The following PGLYRP4 variants were observed in gnomAD, a reference collection of about 807,000 sequenced individuals.
PGLYRP4 encodes PGRP-I-beta.
PGLYRP4 carries 39 observed loss-of-function variants against 41.2 expected under a neutral mutation model. The observed-to-expected ratio is 0.95, with a 90% CI of 0.73 to 1.24. PGLYRP4 has a LOEUF of 1.24. Among genes scored for constraint, PGLYRP4 ranks in the 50% most tolerant of loss-of-function variants. The pLI is 0.00. For synonymous variants in PGLYRP4, 202 were observed against 186.8 expected (o/e 1.08, Z -0.66); for missense variants, 467 against 460.7 (o/e 1.01, Z -0.13).
chr1:153,345,980 C>T, intron 3 of PGLYRP4, 122 bp downstream of exon 3: 1 of 760,452 alleles, frequency 1.3e-6, no homozygotes. Context: ...CTGCTCTCTG[C>T]ACTTCAACCC....
At chr1:153,347,381 G>GT (rs1185783944) in intron 2 of PGLYRP4, among the ~76,000 whole-genome samples, 1 of 151,854 alleles carries the variant, frequency 6.6e-6, no homozygotes, top group Non-Finnish European at 1.5e-5. Context: ...TGGTTTGTTT[G>GT]TTTTTTGAGA....
In PGLYRP4 at chr1:153,330,506, T is replaced by C. The variant is rs376771214; in HGVS notation, c.*261A>G. 2 of 248,732 alleles carry C rather than the reference T, an allele frequency of 8.0e-6. No individual in the cohort carries two copies. The highest frequency in any genetic ancestry group is 1.6e-5 in the Non-Finnish European group (2 of 128,296). The allele number at this position is 248,732 out of a possible 1,614,324, so 15.4% of individuals were successfully genotyped here. ...CCCATTGTCTCACCTGGCTGAGGAG[T>C]TGGGTTTCCAAGGGAGAGGAAGGTA... On this transcript the variant is annotated 3_prime_UTR_variant, in exon 9 of 9. Transcript: ENST00000359650.
At chr1:153,344,444 GA>G (rs1030508778) in intron 4 of PGLYRP4, among the ~76,000 whole-genome samples, 5 of 152,164 alleles carry the variant, frequency 3.3e-5, no homozygotes, top group African/African-American at 1.2e-4. Context: ...TGGGGTTGAG[GA>G]GGCTACACAC....
At chr1:153,334,468 T>TATATATATATGTTTATATATA in intron 8 of PGLYRP4, among the ~76,000 whole-genome samples, 1 of 142,524 alleles carries the variant, frequency 7.0e-6, no homozygotes, top group East Asian at 2.0e-4. Flanking sequence ...ATATATTTAT[T>TATATATATATGTTTATATATA]TATATATATT....
At chr1:153,332,998 C>T (rs1157048562) in intron 8 of PGLYRP4, among the ~76,000 whole-genome samples, 1 of 151,412 alleles carries the variant, frequency 6.6e-6, no homozygotes, top group Non-Finnish European at 1.5e-5. Flanking sequence ...AAAAAAAACC[C>T]AAAACTAGCA....
In PGLYRP4 at chr1:153,347,980, TGAGA is replaced by T; in HGVS notation, c.-46-6_-46-3del. 6.8e-7 allele frequency: 1 copy of T among 1,465,678 alleles called. No homozygotes were observed. Among genetic ancestry groups the T allele is most frequent in the Non-Finnish European group, 9.5e-7 (1 of 1,049,622 alleles). The allele number at this position is 1,465,678 out of a possible 1,614,324, so 90.8% of individuals were successfully genotyped here. A position where few individuals can be genotyped will look rare whatever the true frequency, so the allele number is the denominator to read the frequency against. On this transcript the variant is annotated splice_polypyrimidine_tract_variant and splice_region_variant and intron_variant, in intron 1 of 8. Transcript: ENST00000359650. ...AATCTGGAGAGTGTGGATGGCAGCC[TGAGA>T]GAGACGCTGACAGTTGTTAACATGA...
intron 6 of PGLYRP4, among the ~76,000 whole-genome samples, 189 bp downstream of exon 6, chr1:153,341,438 G>A (rs1476579771): frequency 2.0e-5 from 3 of 152,200 alleles, no homozygotes; most frequent in African/African-American, 7.2e-5. Context: ...GGAATCTGAG[G>A]GACAAAGAGG....
At chr1:153,345,098 G>A (rs1385444086) in intron 4 of PGLYRP4, 71 bp downstream of exon 4, 13 of 1,155,266 alleles carry the variant, frequency 1.1e-5, no homozygotes, top group Non-Finnish European at 1.7e-5. Flanking sequence ...AAAGGGATGA[G>A]AAGGGACAGG....
At chr1:153,346,915 G>A (rs1172540522) in intron 2 of PGLYRP4, among the ~76,000 whole-genome samples, 1 of 152,170 alleles carries the variant, frequency 6.6e-6, no homozygotes, top group East Asian at 1.9e-4. Flanking sequence ...GAAAATAAGG[G>A]TTTATAGAGC....
chr1:153,337,108 A>G (rs1660598321), intron 8 of PGLYRP4, 73 bp downstream of exon 8: 1 of 1,102,274 alleles, frequency 9.1e-7, no homozygotes, highest in South Asian at 1.2e-5. Context: ...TGAGACTGAG[A>G]CTTTGTCTTC....
intron 8 of PGLYRP4, among the ~76,000 whole-genome samples, chr1:153,335,707 G>T (rs893769302): frequency 6.7e-6 from 1 of 150,214 alleles, no homozygotes; most frequent in African/African-American, 2.5e-5. Flanking sequence ...CCTGGCGACA[G>T]AGCAAGACTC....
At chr1:153,347,155 C>G (rs1403825091) in intron 2 of PGLYRP4, among the ~76,000 whole-genome samples, 2 of 152,030 alleles carry the variant, frequency 1.3e-5, no homozygotes, top group African/African-American at 4.8e-5. Flanking sequence ...CTCACTACAA[C>G]CTCTGCCTCC....
chr1:153,336,369 C>CAAAAAAAAAAAAAAAAAAA (rs58665160), intron 8 of PGLYRP4, among the ~76,000 whole-genome samples: 6 of 76,490 alleles, frequency 7.8e-5, no homozygotes, highest in East Asian at 4.6e-4. Flanking sequence ...GACTCCATCT[C>CAAAAAAAAAAAAAAAAAAA]AAAAAAAAAA....
chr1:153,337,903 A>G (rs1660635098), intron 7 of PGLYRP4, among the ~76,000 whole-genome samples: 1 of 152,090 alleles, frequency 6.6e-6, no homozygotes, highest in South Asian at 2.1e-4. Context: ...CTTAGCTTCC[A>G]TCACACCACA....
rs529773131 is a variant in PGLYRP4, at chr1:153,348,625, C to A, written c.-144G>T. 1 of 153,620 alleles carries A rather than the reference C, an allele frequency of 6.5e-6. No homozygotes were observed. The highest frequency in any genetic ancestry group is 2.4e-5 in the African/African-American group (1 of 41,616). 9.5% of individuals were successfully genotyped at this position (153,620 alleles called of 1,614,324 possible). A position where few individuals can be genotyped will look rare whatever the true frequency, so the allele number is the denominator to read the frequency against. On this transcript the variant is annotated 5_prime_UTR_variant, in exon 1 of 9. In the 5' UTR this introduces an upstream ATG that the reference lacks. Transcript: ENST00000359650. The stretch of plus-strand genomic sequence containing the variant: ...CAGCTCCTTCCCTTCCAGACTTGGC[C>A]TCCAGGCCCTGCCCTTCTTCACCAA...
chr1:153,337,401 A>C, intron 7 of PGLYRP4, 102 bp from the exon 8 acceptor site: 2 of 706,558 alleles, frequency 2.8e-6, no homozygotes, highest in Non-Finnish European at 4.8e-6. Flanking sequence ...TCAGACTTTG[A>C]TTATCTATTG....
At chr1:153,335,307 C>G (rs989241209) in intron 8 of PGLYRP4, among the ~76,000 whole-genome samples, 1 of 152,078 alleles carries the variant, frequency 6.6e-6, no homozygotes, top group Non-Finnish European at 1.5e-5. Context: ...TGACAAAGAG[C>G]TAATACCCGG....
intron 4 of PGLYRP4, among the ~76,000 whole-genome samples, chr1:153,343,884 C>T (rs1202995306): frequency 6.6e-6 from 1 of 152,132 alleles, no homozygotes; most frequent in African/African-American, 2.4e-5. Flanking sequence ...GAGGAAAGTC[C>T]CTTGAGTAAC....
chr1:153,332,149 G>T (rs947621656), intron 8 of PGLYRP4, among the ~76,000 whole-genome samples: 1 of 151,912 alleles, frequency 6.6e-6, no homozygotes, highest in African/African-American at 2.4e-5. Flanking sequence ...AAACCAAAAA[G>T]GAGGAGGAGT....
Sources: gnomAD v4.1 joint callset for allele counts (sites outside exome capture counted in the v4.1 genomes callset) on GRCh38, gnomAD v4.1.1 for gene constraint, MANE v1.5 for transcripts, NCBI Gene and HGNC (gene_info 2026-07-23, HGNC 2026-07-21) for gene names.